The following USP8 variants were observed in gnomAD, a reference collection of about 807,000 sequenced individuals.
The protein encoded by USP8 is ubiquitin carboxyl-terminal hydrolase 8.
Under a neutral mutation model 130.0 loss-of-function variants are expected in USP8, and 27 were observed. That is an observed-to-expected ratio of 0.21 (90% CI 0.15 to 0.29). The LOEUF is 0.29. USP8 is among the 10% of genes least tolerant of loss of function. USP8 has a pLI of 1.00. For synonymous variants in USP8, 392 were observed against 444.1 expected (o/e 0.88, Z 1.48); for missense variants, 1,029 against 1,312.2 (o/e 0.78, Z 3.33).
intron 16 of USP8, 62 bp from the exon 17 acceptor site, chr15:50,495,786 T>C: frequency 7.6e-7 from 1 of 1,320,318 alleles, no homozygotes; most frequent in Non-Finnish European, 1.1e-6. Context: ...TCACTTTTAT[T>C]CTTTCAATTT....
chr15:50,493,545 G>A (rs1595986623), intron 15 of USP8: 1 of 511,546 alleles, frequency 2.0e-6, no homozygotes, highest in East Asian at 5.5e-5. Context: ...TTGGGGCCCA[G>A]GAGTTTGAGA....
intron 10 of USP8, among the ~76,000 whole-genome samples, chr15:50,479,681 C>CA (rs1169125623): frequency 6.6e-6 from 1 of 151,774 alleles, no homozygotes; most frequent in Non-Finnish European, 1.5e-5. Flanking sequence ...AAAAAAAAGA[C>CA]AAAGGATTTT....
At chr15:50,465,312 T>G in intron 7 of USP8, 121 bp downstream of exon 7, 1 of 1,161,406 alleles carries the variant, frequency 8.6e-7, no homozygotes. Flanking sequence ...CTGGTAACTT[T>G]TTAAATCTTT....
At chr15:50,449,672 C>G (rs1390714673) in intron 4 of USP8, among the ~76,000 whole-genome samples, 187 bp downstream of exon 4, 4 of 151,944 alleles carry the variant, frequency 2.6e-5, no homozygotes, top group Admixed American at 2.6e-4. Context: ...AGCTCCACTT[C>G]CTGGGTTCAC....
intron 8 of USP8, among the ~76,000 whole-genome samples, chr15:50,472,645 C>T (rs8035522): frequency 0.97 from 146,734 of 151,760 alleles, 71,112 homozygotes; most frequent in Middle Eastern, 1. Context: ...GCGTGGTGGC[C>T]CATGCCTGTA....
chr15:50,492,930 C>T lies in USP8; in HGVS notation c.2447+17C>T, dbSNP rs780615063. 2 of 1,603,684 alleles carry T rather than the reference C, an allele frequency of 1.2e-6. No individual in the cohort carries two copies. The highest frequency in any genetic ancestry group is 1.1e-5 in the South Asian group (1 of 90,852). ...TATTAACAGGTAAATACATGTCATACTTTTTGCATTATAATGCTAAAAGGA... is the reference window on the plus strand; with the variant it reads ...TATTAACAGGTAAATACATGTCATATTTTTTGCATTATAATGCTAAAAGGA... On this transcript the variant is annotated intron_variant, in intron 15 of 19. Transcript: ENST00000307179.
intron 1 of USP8, among the ~76,000 whole-genome samples, chr15:50,431,429 C>CA (rs997290765): frequency 6.6e-6 from 1 of 152,056 alleles, no homozygotes; most frequent in African/African-American, 2.4e-5. Flanking sequence ...GGATGGCTTC[C>CA]AAAGTCTTCC....
chr15:50,506,268 G>C lies in USP8; in HGVS notation c.*7180G>C, dbSNP rs1358267770. The C allele has an allele frequency of 6.6e-6, 1 of 152,316 alleles. No individual in the cohort carries two copies. Among genetic ancestry groups the C allele is most frequent in the Admixed American group, 6.6e-5 (1 of 15,262 alleles). The allele number at this position is 152,316 out of a possible 1,614,324, so 9.4% of individuals were successfully genotyped here. A position where few individuals can be genotyped will look rare whatever the true frequency, so the allele number is the denominator to read the frequency against. On this transcript the variant is annotated 3_prime_UTR_variant, in exon 20 of 20. Transcript: ENST00000307179. ...TGTTCAGGACCTGGCTGCACAGCAGGAAGCGAGCGGCAAACCTACCCTGAG... is the reference window on the plus strand; with the variant it reads ...TGTTCAGGACCTGGCTGCACAGCAGCAAGCGAGCGGCAAACCTACCCTGAG...
At chr15:50,455,225 A>G (rs1269704772) in intron 4 of USP8, among the ~76,000 whole-genome samples, 1 of 151,024 alleles carries the variant, frequency 6.6e-6, no homozygotes, top group Non-Finnish European at 1.5e-5. Context: ...ACAGATGCAC[A>G]CCACCAGGCC....
intron 11 of USP8, among the ~76,000 whole-genome samples, chr15:50,482,273 T>C (rs2051801881): frequency 6.6e-6 from 1 of 152,218 alleles, no homozygotes. Context: ...GGAATGAAAT[T>C]GCTTTTTGTA....
rs2052576306 is a variant in USP8, at chr15:50,501,057, A to C, written c.*1969A>C. On this transcript the variant is annotated 3_prime_UTR_variant, in exon 20 of 20. Transcript: ENST00000307179. ...TTGTGCCCATTGACTATCATCTGTG[A>C]ATAAAGAAAGACAATATTTAGCAGC... 2.1e-6 allele frequency: 1 copy of C among 487,018 alleles called. No individual in the cohort carries two copies. Among genetic ancestry groups the C allele is most frequent in the South Asian group, 2.4e-5 (1 of 41,452 alleles). The allele number at this position is 487,018 out of a possible 1,614,324, so 30.2% of individuals were successfully genotyped here. A position where few individuals can be genotyped will look rare whatever the true frequency, so the allele number is the denominator to read the frequency against.
chr15:50,499,006 C>T lies in USP8; in HGVS notation c.3275C>T (p.Ser1092Phe). The change falls in exon 20 of 20, where the codon TCC becomes TTC. Residue 1092 changes from serine (S) to phenylalanine (F), a missense_variant. By Grantham distance (155) the Ser-to-Phe change is radical (BLOSUM62 -2). Transcript: ENST00000307179. ...GATGATCATGAAGTTTCTGATATCTCCGTTTCTTCTGTGAAATCTTCAGCA... is the reference window on the plus strand; with the variant it reads ...GATGATCATGAAGTTTCTGATATCTTCGTTTCTTCTGTGAAATCTTCAGCA... ...KFDDHEVSDI[S>F]VSSVKSSAAY... The T allele has an allele frequency of 6.2e-7, 1 of 1,613,944 alleles. No individual in the cohort carries two copies. Among genetic ancestry groups the T allele is most frequent in the Middle Eastern group, 1.7e-4 (1 of 6,060 alleles).
chr15:50,506,153 A>C lies in USP8; in HGVS notation c.*7065A>C, dbSNP rs2052655257. 1 of 151,800 alleles carries C rather than the reference A, an allele frequency of 6.6e-6. No individual in the cohort carries two copies. Among genetic ancestry groups the C allele is most frequent in the African/African-American group, 2.4e-5 (1 of 41,056 alleles). The allele number at this position is 151,800 out of a possible 1,614,324, so 9.4% of individuals were successfully genotyped here. ...CCAAAGTTGTAGAGGGAAAATAAAG[A>C]AAGCTTTATCAGTTTAGTAGCAGCA... On this transcript the variant is annotated 3_prime_UTR_variant, in exon 20 of 20. Coordinates refer to ENST00000307179, the MANE Select transcript of USP8 (RefSeq NM_005154.5).
At chr15:50,463,539 A>G (rs1006094177) in intron 6 of USP8, 1 of 152,266 alleles carries the variant, frequency 6.6e-6, no homozygotes, top group African/African-American at 2.4e-5. Context: ...CAATTACAAA[A>G]GTAAACTGAG....
At chr15:50,470,954 G>A (rs1017904052) in intron 7 of USP8, among the ~76,000 whole-genome samples, 1 of 152,152 alleles carries the variant, frequency 6.6e-6, no homozygotes, top group Non-Finnish European at 1.5e-5. Flanking sequence ...TTAATGGAGA[G>A]TTGGTGTTAT....
chr15:50,430,991 G>GTGCACAT (rs2049912240), intron 1 of USP8, among the ~76,000 whole-genome samples: 2 of 152,198 alleles, frequency 1.3e-5, no homozygotes, highest in Admixed American at 6.5e-5. Flanking sequence ...ACATCCTGCA[G>GTGCACAT]TGCACATTGC....
Position 50,510,548 on chromosome 15 carries a change from T to A in USP8, c.*11460T>A, listed in dbSNP as rs931227834. 6.6e-6 allele frequency: 1 copy of A among 152,198 alleles called. No individual in the cohort carries two copies. 9.4% of individuals were successfully genotyped at this position (152,198 alleles called of 1,614,324 possible). Reference sequence around the variant, plus strand: ...TGAGTGATGGAATTTTAAATTTTCTTACATATAATTCTGCTATTGTGGGTA... The same window carrying A: ...TGAGTGATGGAATTTTAAATTTTCTAACATATAATTCTGCTATTGTGGGTA... On this transcript the variant is annotated 3_prime_UTR_variant, in exon 20 of 20. Coordinates refer to ENST00000307179, the MANE Select transcript of USP8 (RefSeq NM_005154.5).
intron 3 of USP8, among the ~76,000 whole-genome samples, chr15:50,447,687 C>T (rs1177543099): frequency 1.3e-5 from 2 of 152,052 alleles, no homozygotes; most frequent in African/African-American, 4.8e-5. Flanking sequence ...CTCAGCCTCC[C>T]GAGTAGCTGG....
intron 1 of USP8, among the ~76,000 whole-genome samples, chr15:50,425,339 TTGC>T (rs2049677762): frequency 6.6e-6 from 1 of 152,260 alleles, no homozygotes; most frequent in African/African-American, 2.4e-5. Flanking sequence ...TGTAAATATC[TTGC>T]TGCAGCCATT....
Sources: allele counts gnomAD v4.1 joint callset (sites outside exome capture counted in the v4.1 genomes callset), GRCh38; gene constraint gnomAD v4.1.1; transcripts MANE v1.5; gene names NCBI Gene and HGNC (gene_info 2026-07-23, HGNC 2026-07-21).